The following PLXNC1 variants were observed in gnomAD, a reference collection of about 807,000 sequenced individuals.
PLXNC1 encodes the protein plexin-C1.
PLXNC1 carries 75 observed loss-of-function variants against 178.2 expected under a neutral mutation model. The observed-to-expected ratio is 0.42, with a 90% CI of 0.35 to 0.51. The LOEUF (loss-of-function observed/expected upper bound fraction) is 0.51, where lower values mean the gene tolerates loss of function less well. Ranked by LOEUF, PLXNC1 falls within the 20% of genes least tolerant of loss-of-function variation. The probability of loss-of-function intolerance (pLI) is 0.02; values close to 1 mark genes in which losing one functional copy is unlikely to be tolerated. For synonymous variants in PLXNC1, 790 were observed against 779.9 expected (o/e 1.01, Z -0.22); for missense variants, 1,503 against 1,984.4 (o/e 0.76, Z 4.61).
At position 94,294,043 on chromosome 12, in the gene PLXNC1, A is replaced by C. The variant is rs74546680; in HGVS notation, c.3880-443A>C. On this transcript the variant is annotated intron_variant, in intron 23 of 30. Transcript: ENST00000258526. ...CTGGGATTAGGATTTAAACATAGGA[A>C]TCTGGAGGAGACACAAACATTCAGT... Among the ~76,000 whole-genome samples the C allele has an allele frequency of 1.7e-3, 260 of 152,290 alleles. 2 individuals are homozygous for C. In the East Asian group the frequency reaches 0.027, roughly 16 times the overall value.
At chr12:94,187,664 T>G (rs1962566432) in intron 4 of PLXNC1, among the ~76,000 whole-genome samples, 1 of 152,160 alleles carries the variant, frequency 6.6e-6, no homozygotes, top group Non-Finnish European at 1.5e-5. Flanking sequence ...TTAGATCCAT[T>G]CATTTATGTA....
At position 94,247,896 on chromosome 12, in the gene PLXNC1, T is replaced by C; in HGVS notation, c.2389-7T>C. On this transcript the variant is annotated splice_polypyrimidine_tract_variant and splice_region_variant and intron_variant, in intron 12 of 30. Transcript: ENST00000258526. The stretch of plus-strand genomic sequence containing the variant: ...AGTTACTAAAACATTCTTTTCTTTT[T>C]GTCCAGGTCTCTGAATATTGTGTGG... 4.3e-6 allele frequency: 7 copies of C among 1,612,826 alleles called. No individual in the cohort carries two copies. Among genetic ancestry groups the C allele is most frequent in the Non-Finnish European group, 5.9e-6 (7 of 1,179,360 alleles).
intron 6 of PLXNC1, among the ~76,000 whole-genome samples, 184 bp from the exon 7 acceptor site, chr12:94,224,044 G>A (rs1020834157): frequency 6.6e-6 from 1 of 152,176 alleles, no homozygotes; most frequent in Non-Finnish European, 1.5e-5. Flanking sequence ...GTGCACTTCG[G>A]CTGCCTGATG....
chr12:94,182,992 TAA>T (rs1962382643), intron 3 of PLXNC1, among the ~76,000 whole-genome samples: 1 of 152,188 alleles, frequency 6.6e-6, no homozygotes, highest in Non-Finnish European at 1.5e-5. Context: ...TAAATGATAT[TAA>T]ATCCAAAATT....
intron 1 of PLXNC1, among the ~76,000 whole-genome samples, chr12:94,158,984 A>G (rs1034234883): frequency 3.3e-5 from 5 of 152,190 alleles, no homozygotes; most frequent in Non-Finnish European, 7.3e-5. Flanking sequence ...TTATAAACAG[A>G]CACAATCTGA....
chr12:94,167,232 G>A (rs1961649256), intron 1 of PLXNC1, among the ~76,000 whole-genome samples: 2 of 152,284 alleles, frequency 1.3e-5, no homozygotes, highest in African/African-American at 2.4e-5. Flanking sequence ...GGCTACCCAT[G>A]GTTCTTGGTG....
intron 6 of PLXNC1, among the ~76,000 whole-genome samples, chr12:94,223,230 A>G (rs920706733): frequency 6.6e-6 from 1 of 152,222 alleles, no homozygotes; most frequent in African/African-American, 2.4e-5. Flanking sequence ...CCTAGCCAAC[A>G]TGGTGAAACC....
intron 21 of PLXNC1, among the ~76,000 whole-genome samples, chr12:94,270,777 T>A (rs569586101): frequency 4.3e-4 from 64 of 148,762 alleles, no homozygotes; most frequent in South Asian, 3.0e-3. Flanking sequence ...TTTTTTTTTT[T>A]AAATGGAAAA....
chr12:94,149,367 C>A lies in PLXNC1; in HGVS notation c.396C>A (p.Gly132=). The A allele has an allele frequency of 7.0e-7, 1 of 1,425,846 alleles. No homozygotes were observed. Among genetic ancestry groups the A allele is most frequent in the Non-Finnish European group, 9.1e-7 (1 of 1,100,502 alleles). The allele number at this position is 1,425,846 out of a possible 1,614,324, so 88.3% of individuals were successfully genotyped here. ...TCACCGGCTGGACCTTCGACCGGGGCGCCTGCGAGGTGCGGCCCCTGGGCA... is the reference window on the plus strand; with the variant it reads ...TCACCGGCTGGACCTTCGACCGGGGAGCCTGCGAGGTGCGGCCCCTGGGCA... ...LLLTGWTFDR[G]ACEVRPLGNL... is the part of the protein sequence containing the mutation. The change falls in exon 1 of 31, where the codon GGC becomes GGA. Residue 132 remains glycine, a synonymous_variant. Coordinates refer to ENST00000258526, the MANE Select transcript of PLXNC1 (RefSeq NM_005761.3).
At chr12:94,161,436 G>A (rs1247449732) in intron 1 of PLXNC1, among the ~76,000 whole-genome samples, 1 of 152,140 alleles carries the variant, frequency 6.6e-6, no homozygotes, top group Non-Finnish European at 1.5e-5. Context: ...AAGTAATAGA[G>A]TTTGAACTTG....
intron 20 of PLXNC1, among the ~76,000 whole-genome samples, chr12:94,263,937 TAAC>T (rs1565837797): frequency 1.3e-5 from 2 of 151,986 alleles, no homozygotes; most frequent in Non-Finnish European, 2.9e-5. Flanking sequence ...ATGTCTTAGG[TAAC>T]TTGCCTGCGC....
chr12:94,242,391 C>T (rs1181394861), intron 11 of PLXNC1, among the ~76,000 whole-genome samples: 1 of 150,292 alleles, frequency 6.7e-6, no homozygotes, highest in East Asian at 1.9e-4. Flanking sequence ...TCACTGCAAC[C>T]TCCGCCTCCC....
Position 94,166,116 on chromosome 12 carries a change from G to C in PLXNC1, c.1063-3037G>C, listed in dbSNP as rs1961598117. Among the ~76,000 whole-genome samples the C allele has an allele frequency of 1.3e-5, 2 of 152,062 alleles. 1 individual carries two copies. The highest frequency in any genetic ancestry group is 4.8e-5 in the African/African-American group (2 of 41,412). On this transcript the variant is annotated intron_variant, in intron 1 of 30. Coordinates refer to ENST00000258526, the MANE Select transcript of PLXNC1 (RefSeq NM_005761.3). ...TTCCACCAGGCTTGGGTTCATTGCT[G>C]TCTGAACAAAATTAGGGTTCTTCTT...
chr12:94,210,295 T>A (rs1490274291), intron 5 of PLXNC1, among the ~76,000 whole-genome samples: 1 of 152,296 alleles, frequency 6.6e-6, no homozygotes, highest in Admixed American at 6.5e-5. Flanking sequence ...ATCAGTCCTG[T>A]CATTGGATGA....
intron 15 of PLXNC1, among the ~76,000 whole-genome samples, chr12:94,252,202 G>T (rs1964714322): frequency 6.6e-6 from 1 of 151,922 alleles, no homozygotes; most frequent in African/African-American, 2.4e-5. Context: ...ATTTCATCTT[G>T]ACCACCCCCC....
intron 6 of PLXNC1, among the ~76,000 whole-genome samples, chr12:94,221,327 AG>A (rs537985934): frequency 3.5e-4 from 53 of 152,304 alleles, no homozygotes; most frequent in African/African-American, 1.2e-3. Flanking sequence ...GATCACTTGG[AG>A]GGGTCCAAGT....
At chr12:94,167,934 TG>T (rs1565789658) in intron 1 of PLXNC1, 1 of 152,214 alleles carries the variant, frequency 6.6e-6, no homozygotes. Context: ...GAAATATAGA[TG>T]GCACTTTAAA....
chr12:94,151,278 T>C (rs1344098559), intron 1 of PLXNC1, among the ~76,000 whole-genome samples: 5 of 152,088 alleles, frequency 3.3e-5, no homozygotes, highest in Non-Finnish European at 1.5e-5. Context: ...CCCTTCTTTC[T>C]CTGCAAAGCA....
At chr12:94,239,105 C>T (rs930541280) in intron 10 of PLXNC1, among the ~76,000 whole-genome samples, 1 of 152,168 alleles carries the variant, frequency 6.6e-6, no homozygotes, top group African/African-American at 2.4e-5. Context: ...CCGAATGTGT[C>T]TTGAGATACT....
Sources: gnomAD v4.1 joint callset for allele counts (sites outside exome capture counted in the v4.1 genomes callset) on GRCh38, gnomAD v4.1.1 for gene constraint, MANE v1.5 for transcripts, NCBI Gene and HGNC (gene_info 2026-07-23, HGNC 2026-07-21) for gene names.